The following GALNT13 variants were observed in gnomAD, a reference collection of about 807,000 sequenced individuals.
GALNT13 encodes UDP-GalNAc:polypeptide N-acetylgalactosaminyltransferase 13.
Under a neutral mutation model 64.2 loss-of-function variants are expected in GALNT13, and 28 were observed. The ratio of observed to expected loss-of-function variants is 0.44; its 90% CI spans 0.32 to 0.60. The LOEUF (loss-of-function observed/expected upper bound fraction) is 0.60. Ranked by LOEUF, GALNT13 falls within the 20% of genes least tolerant of loss-of-function variation. GALNT13 has a pLI of 0.05. For synonymous variants in GALNT13, 214 were observed against 224.6 expected, an observed-to-expected ratio of 0.95 and a Z score of 0.42; for missense variants, 577 against 669.8, an observed-to-expected ratio of 0.86 and a Z score of 1.53.
At chr2:153,789,748 A>G in the GALNT13 span, among the ~76,000 whole-genome samples, 1 of 152,294 alleles carries the variant, frequency 6.6e-6, no homozygotes, top group Admixed American at 6.5e-5. Context: ...GATAAAGGAG[A>G]TTTTACCACT....
intron 1 of GALNT13, among the ~76,000 whole-genome samples, chr2:153,893,842 A>G (rs1466930312): frequency 6.6e-6 from 1 of 152,104 alleles, no homozygotes; most frequent in Non-Finnish European, 1.5e-5. Context: ...TTTTGCCTGT[A>G]TATCTTATTA....
At chr2:154,079,733 C>A (rs1214611034) in intron 3 of GALNT13, among the ~76,000 whole-genome samples, 1 of 151,446 alleles carries the variant, frequency 6.6e-6, no homozygotes, top group Non-Finnish European at 1.5e-5. Context: ...GGCTTTTTTC[C>A]ATGATACAAA....
chr2:154,286,470 A>G (rs957033930), intron 8 of GALNT13: 3 of 153,140 alleles, frequency 2.0e-5, no homozygotes, highest in Non-Finnish European at 4.4e-5. Context: ...CATGCCTTAC[A>G]AGAAGTACTA....
At chr2:153,764,298 AGGCCAAGGAG>A in the GALNT13 span, among the ~76,000 whole-genome samples, 4 of 152,208 alleles carry the variant, frequency 2.6e-5, no homozygotes, top group African/African-American at 7.2e-5. Context: ...GCACTTTGGG[AGGCCAAGGAG>A]GGCAGATCTC....
the GALNT13 span, among the ~76,000 whole-genome samples, chr2:153,083,581 G>T: frequency 2.0e-5 from 3 of 151,630 alleles, no homozygotes; most frequent in Non-Finnish European, 4.4e-5. Context: ...CACTTTTGAT[G>T]GTATTATTTT....
intron 8 of GALNT13, among the ~76,000 whole-genome samples, chr2:154,272,173 A>G (rs1691390191): frequency 6.6e-6 from 1 of 152,060 alleles, no homozygotes; most frequent in Admixed American, 6.6e-5. Context: ...TAATTGAGAA[A>G]GTTTTTCTGT....
the GALNT13 span, among the ~76,000 whole-genome samples, chr2:153,561,872 A>G: frequency 6.6e-6 from 1 of 152,112 alleles, no homozygotes; most frequent in African/African-American, 2.4e-5. Context: ...TTCTTCCTAG[A>G]TCTATTAATG....
At chr2:153,208,973 C>CTTTTTTTTTTTTTTT in the GALNT13 span, among the ~76,000 whole-genome samples, 22 of 74,678 alleles carry the variant, frequency 2.9e-4, 2 homozygotes, top group South Asian at 5.2e-4. Context: ...TGGTTTTGGT[C>CTTTTTTTTTTTTTTT]TTTTTTTTTT....
chr2:154,331,451 T>G (rs1454382073), intron 9 of GALNT13, among the ~76,000 whole-genome samples: 1 of 151,136 alleles, frequency 6.6e-6, no homozygotes, highest in African/African-American at 2.4e-5. Flanking sequence ...CACAGGTATA[T>G]GCCACCATGC....
chr2:154,389,641 C>T lies in GALNT13; in HGVS notation c.1157-6350C>T, dbSNP rs1041820508. Among the ~76,000 whole-genome samples the T allele has an allele frequency of 3.3e-5, 5 of 151,928 alleles. No homozygotes were observed. The South Asian group carries it at 8.3e-4, about 25-fold the overall frequency. On this transcript the variant is annotated intron_variant, in intron 9 of 12. Coordinates refer to ENST00000392825, the MANE Select transcript of GALNT13 (RefSeq NM_052917.4). ...GAAATAATTATTATCATTGAAATGC[C>T]AGGGGTTTGGTCTAAGGCCCATTGC...
At chr2:153,522,739 T>G in the GALNT13 span, among the ~76,000 whole-genome samples, 1 of 152,224 alleles carries the variant, frequency 6.6e-6, no homozygotes, top group African/African-American at 2.4e-5. Context: ...AAGAGTTCTT[T>G]GTGTATTTTG....
At chr2:153,851,346 C>T in the GALNT13 span, among the ~76,000 whole-genome samples, 4 of 152,040 alleles carry the variant, frequency 2.6e-5, no homozygotes, top group African/African-American at 9.7e-5. Context: ...ACACAGAAAG[C>T]TAAAACAGTT....
At chr2:153,442,959 C>A in the GALNT13 span, among the ~76,000 whole-genome samples, 1 of 152,184 alleles carries the variant, frequency 6.6e-6, no homozygotes. Context: ...GAATTTCAAG[C>A]CAGTGGATCT....
intron 3 of GALNT13, among the ~76,000 whole-genome samples, chr2:154,101,387 G>A (rs931698274): frequency 1.5e-4 from 23 of 151,792 alleles, no homozygotes; most frequent in African/African-American, 5.3e-4. Context: ...CTAGGAAGGC[G>A]GTATGTTTAT....
At chr2:153,281,331 T>A in the GALNT13 span, among the ~76,000 whole-genome samples, 11 of 148,338 alleles carry the variant, frequency 7.4e-5, no homozygotes. Context: ...TTTTTTTTTT[T>A]AATCCAACTT....
chr2:154,317,413 T>C (rs1164703136), intron 9 of GALNT13, among the ~76,000 whole-genome samples: 1 of 152,134 alleles, frequency 6.6e-6, no homozygotes, highest in African/African-American at 2.4e-5. Context: ...TCTAGAAATA[T>C]TCAAAGGCTA....
At chr2:154,378,908 T>C (rs1559123255) in intron 9 of GALNT13, among the ~76,000 whole-genome samples, 4 of 152,116 alleles carry the variant, frequency 2.6e-5, no homozygotes, top group Non-Finnish European at 4.4e-5. Flanking sequence ...TGCCTCTACT[T>C]TGGCTTGGAT....
the GALNT13 span, among the ~76,000 whole-genome samples, chr2:153,751,315 A>G: frequency 1.5e-3 from 227 of 151,858 alleles, no homozygotes; most frequent in Non-Finnish European, 1.9e-3. Flanking sequence ...GTAAATATCT[A>G]TTAGATCCAT....
intron 3 of GALNT13, among the ~76,000 whole-genome samples, chr2:153,975,176 C>T (rs991339430): frequency 4.6e-5 from 7 of 151,968 alleles, no homozygotes; most frequent in Non-Finnish European, 1.0e-4. Flanking sequence ...CATTATTAAC[C>T]CTGTGATGGC....
Sources: allele counts gnomAD v4.1 joint callset (sites outside exome capture counted in the v4.1 genomes callset), GRCh38; gene constraint gnomAD v4.1.1; transcripts MANE v1.5; gene names NCBI Gene and HGNC (gene_info 2026-07-23, HGNC 2026-07-21).